Variants in SORCS2 observed in about 807,000 individuals in gnomAD.
The protein encoded by SORCS2 is sortilin related VPS10 domain containing receptor 2.
In SORCS2, 100 loss-of-function variants were observed where a neutral mutation model predicts 141.6. That is an observed-to-expected ratio of 0.71 (90% CI 0.60 to 0.83). The LOEUF (loss-of-function observed/expected upper bound fraction) is 0.83. Ranked by LOEUF, SORCS2 falls within the 40% of genes least tolerant of loss-of-function variation. SORCS2 has a pLI of 0.00. For synonymous variants in SORCS2, 789 were observed against 676.9 expected (o/e 1.17, Z -2.57); for missense variants, 1,646 against 1,560.2 (o/e 1.05, Z -0.93).
At chr4:7,266,618 T>C (rs974967762) in intron 1 of SORCS2, among the ~76,000 whole-genome samples, 3 of 152,122 alleles carry the variant, frequency 2.0e-5, no homozygotes, top group Admixed American at 6.5e-5. Flanking sequence ...CATCAAGCAC[T>C]CCGGTGGTTT....
chr4:7,269,086 G>A (rs1015294601), intron 1 of SORCS2, among the ~76,000 whole-genome samples: 1 of 152,170 alleles, frequency 6.6e-6, no homozygotes, highest in African/African-American at 2.4e-5. Context: ...ACAGGCAGCC[G>A]ATTCAGCATC....
chr4:7,275,222 C>T (rs1197522248), intron 1 of SORCS2, among the ~76,000 whole-genome samples: 3 of 152,128 alleles, frequency 2.0e-5, no homozygotes, highest in Non-Finnish European at 4.4e-5. Context: ...CTGGCAGGCA[C>T]CCACTCAGAA....
chr4:7,448,349 A>G (rs767990239), intron 2 of SORCS2, among the ~76,000 whole-genome samples: 1 of 151,900 alleles, frequency 6.6e-6, no homozygotes, highest in Non-Finnish European at 1.5e-5. Context: ...GCTGGACTCT[A>G]GGTTCCTGTA....
intron 1 of SORCS2, among the ~76,000 whole-genome samples, chr4:7,245,602 G>A (rs4689666): frequency 0.24 from 36,781 of 152,128 alleles, 5,049 homozygotes; most frequent in East Asian, 0.53. Context: ...GTGCAAGGTC[G>A]TGGTGAAGAT....
intron 1 of SORCS2, among the ~76,000 whole-genome samples, chr4:7,396,032 G>A (rs1193041322): frequency 6.6e-6 from 1 of 152,180 alleles, no homozygotes; most frequent in Non-Finnish European, 1.5e-5. Flanking sequence ...GCTACTGTGT[G>A]GATGTCACTG....
At chr4:7,389,660 G>T (rs1436008095) in intron 1 of SORCS2, among the ~76,000 whole-genome samples, 6 of 152,218 alleles carry the variant, frequency 3.9e-5, no homozygotes, top group Admixed American at 3.9e-4. Flanking sequence ...GCACAGGGTG[G>T]TCAGGGAAGG....
At chr4:7,607,917 C>T (rs145571065) in intron 3 of SORCS2, among the ~76,000 whole-genome samples, 4 of 152,248 alleles carry the variant, frequency 2.6e-5, no homozygotes, top group East Asian at 1.9e-4. Flanking sequence ...TCACAGTCCC[C>T]GGCTGGCCGT....
At chr4:7,633,890 C>A (rs904485127) in intron 3 of SORCS2, among the ~76,000 whole-genome samples, 1 of 78,028 alleles carries the variant, frequency 1.3e-5, no homozygotes, top group African/African-American at 3.2e-5. Context: ...CACACAGTTG[C>A]GTCGTAAGAA....
At chr4:7,433,556 C>G (rs199523405) in intron 2 of SORCS2, 2 of 1,611,104 alleles carry the variant, frequency 1.2e-6, no homozygotes, top group Admixed American at 3.3e-5. Context: ...TACTGGGTGA[C>G]GAAGTGCTTG....
chr4:7,604,674 G>A (rs540318592), intron 3 of SORCS2, among the ~76,000 whole-genome samples: 5 of 152,222 alleles, frequency 3.3e-5, no homozygotes, highest in African/African-American at 4.8e-5. Context: ...TGTGAAGAAG[G>A]TGCCTGCTTC....
At chr4:7,499,606 G>T (rs1191209325) in intron 2 of SORCS2, among the ~76,000 whole-genome samples, 1 of 152,110 alleles carries the variant, frequency 6.6e-6, no homozygotes, top group Non-Finnish European at 1.5e-5. Flanking sequence ...GACAGGCCAT[G>T]GGGCTGGGCT....
intron 1 of SORCS2, among the ~76,000 whole-genome samples, chr4:7,262,773 C>G (rs1714448706): frequency 6.6e-6 from 1 of 152,204 alleles, no homozygotes; most frequent in South Asian, 2.1e-4. Context: ...CAGGGACTCC[C>G]TTTCCATGCC....
At chr4:7,299,105 A>C (rs28543027) in intron 1 of SORCS2, among the ~76,000 whole-genome samples, 105,343 of 152,222 alleles carry the variant, frequency 0.69, 37,400 homozygotes, top group Middle Eastern at 0.79. Flanking sequence ...GTGGTGAGAC[A>C]GGCTGGGGGA....
chr4:7,348,973 G>A (rs188095508), intron 1 of SORCS2, among the ~76,000 whole-genome samples: 147 of 152,258 alleles, frequency 9.7e-4, no homozygotes, highest in Admixed American at 1.5e-3. Flanking sequence ...ATTCTCCTTC[G>A]TTATAGACAG....
At chr4:7,207,538 C>T (rs564859933) in intron 1 of SORCS2, among the ~76,000 whole-genome samples, 1 of 152,304 alleles carries the variant, frequency 6.6e-6, no homozygotes, top group East Asian at 1.9e-4. Flanking sequence ...GTCCTCCAGG[C>T]CTGGGTTCCC....
intron 1 of SORCS2, among the ~76,000 whole-genome samples, chr4:7,372,301 A>C (rs1722307355): frequency 6.6e-6 from 1 of 152,028 alleles, no homozygotes; most frequent in South Asian, 2.1e-4. Context: ...AGTAAAATTC[A>C]CTTTTTTTTT....
chr4:7,715,814 G>A (rs770628849), intron 17 of SORCS2, among the ~76,000 whole-genome samples: 4 of 152,156 alleles, frequency 2.6e-5, no homozygotes, highest in Non-Finnish European at 5.9e-5. Context: ...AGCTTAAATG[G>A]CACTTCCTCC....
chr4:7,705,338 G>T (rs62290734), intron 14 of SORCS2, among the ~76,000 whole-genome samples: 1 of 152,188 alleles, frequency 6.6e-6, no homozygotes, highest in African/African-American at 2.4e-5. Flanking sequence ...CCTCCAGAGC[G>T]CTGAGAGAGC....
At chr4:7,548,100 T>C (rs1379244571) in intron 3 of SORCS2, among the ~76,000 whole-genome samples, 1 of 152,188 alleles carries the variant, frequency 6.6e-6, no homozygotes, top group Non-Finnish European at 1.5e-5. Flanking sequence ...AGGAGAACAT[T>C]CCTCCAGATA....
Sources: allele counts gnomAD v4.1 joint callset (sites outside exome capture counted in the v4.1 genomes callset), GRCh38; gene constraint gnomAD v4.1.1; transcripts MANE v1.5; gene names NCBI Gene and HGNC (gene_info 2026-07-23, HGNC 2026-07-21).